Variants in SLC5A1 observed in about 807,000 individuals in gnomAD.
SLC5A1 encodes sodium/glucose cotransporter 1.
SLC5A1 carries 42 observed loss-of-function variants against 73.5 expected under a neutral mutation model. The observed-to-expected ratio is 0.57, with a 90% CI of 0.45 to 0.74. SLC5A1 has a LOEUF of 0.74. Among genes scored for constraint, SLC5A1 ranks in the 30% least tolerant of loss-of-function variants. The pLI, the probability that SLC5A1 is intolerant of heterozygous loss-of-function variation, is 0.00. For synonymous variants in SLC5A1, 300 were observed against 317.4 expected, an observed-to-expected ratio of 0.95 and a Z score of 0.58; for missense variants, 634 against 855.4, an observed-to-expected ratio of 0.74 and a Z score of 3.23.
chr22:32,057,556 G>A (rs564299125), intron 2 of SLC5A1, among the ~76,000 whole-genome samples: 35 of 152,214 alleles, frequency 2.3e-4, no homozygotes, highest in African/African-American at 5.8e-4. Context: ...ATAAGCTACC[G>A]CACCCAGCCC....
rs184310252 is a variant in SLC5A1 at position 32,051,080 on chromosome 22, G to A, written c.207+1066G>A. Among the ~76,000 whole-genome samples, 53 of 152,280 alleles carry A rather than the reference G, an allele frequency of 3.5e-4. 1 individual carries two copies. The highest frequency in any genetic ancestry group is 1.2e-3 in the African/African-American group (51 of 41,562). On this transcript the variant is annotated intron_variant, in intron 2 of 14. Transcript: ENST00000266088. ...AGCAGAAATTACACAGAGAAGTGAG[G>A]CCCCAGGTACACAGCCCAGTGAGAG...
chr22:32,075,564 C>A (rs572766471), intron 5 of SLC5A1, among the ~76,000 whole-genome samples: 3 of 152,298 alleles, frequency 2.0e-5, no homozygotes, highest in East Asian at 1.9e-4. Context: ...TATATGCCCC[C>A]TACCTTCTAA....
intron 5 of SLC5A1, 73 bp downstream of exon 5, chr22:32,068,673 C>A: frequency 4.9e-6 from 5 of 1,028,192 alleles, no homozygotes; most frequent in South Asian, 3.8e-5. Flanking sequence ...ATGCTGCCCA[C>A]CAAGAGGCGG....
rs997142749 is a variant in SLC5A1 at position 32,050,888 on chromosome 22, C to T, written c.207+874C>T. Among the ~76,000 whole-genome samples, 4 of 152,186 alleles carry T rather than the reference C, an allele frequency of 2.6e-5. 1 individual carries two copies. The highest frequency in any genetic ancestry group is 2.6e-4 in the Admixed American group (4 of 15,268). ...GTAACATGAAACCATGAAACTGTAC[C>T]TTACGTAACTGTGGGCTGGTTGGTG... On this transcript the variant is annotated intron_variant, in intron 2 of 14. Coordinates refer to ENST00000266088, the MANE Select transcript of SLC5A1 (RefSeq NM_000343.4).
intron 9 of SLC5A1, among the ~76,000 whole-genome samples, chr22:32,085,717 G>A (rs2094007131): frequency 6.6e-6 from 1 of 151,854 alleles, no homozygotes; most frequent in Admixed American, 6.6e-5. Flanking sequence ...TTCTTCCTTA[G>A]TCAGAGCTCA....
At chr22:32,080,645 T>G (rs1441613857) in intron 5 of SLC5A1, among the ~76,000 whole-genome samples, 1 of 152,170 alleles carries the variant, frequency 6.6e-6, no homozygotes, top group East Asian at 1.9e-4. Context: ...GTGAAAACAG[T>G]TCGTGCATTC....
intron 1 of SLC5A1, among the ~76,000 whole-genome samples, chr22:32,047,116 AG>A (rs1233036306): frequency 2.0e-5 from 3 of 152,172 alleles, no homozygotes; most frequent in Non-Finnish European, 4.4e-5. Context: ...AGGAGGCTGT[AG>A]GGAAGGAGGA....
At chr22:32,060,144 TACACACACACACACAC>T (rs61064953) in intron 2 of SLC5A1, among the ~76,000 whole-genome samples, 34 of 125,160 alleles carry the variant, frequency 2.7e-4, no homozygotes, top group East Asian at 1.8e-3. Flanking sequence ...TATATACACA[TACACACACACACACAC>T]ACACACACAC....
chr22:32,108,921 A>C (rs1662992937), intron 14 of SLC5A1, among the ~76,000 whole-genome samples: 1 of 152,100 alleles, frequency 6.6e-6, no homozygotes, highest in Non-Finnish European at 1.5e-5. Flanking sequence ...TACATCTGTA[A>C]TCCCAACATT....
intron 5 of SLC5A1, among the ~76,000 whole-genome samples, chr22:32,077,160 AGC>A (rs2093992273): frequency 6.6e-6 from 1 of 152,158 alleles, no homozygotes; most frequent in Admixed American, 6.6e-5. Flanking sequence ...TTTGCTTAGC[AGC>A]ATTGGAGAAA....
Position 32,043,707 on chromosome 22 carries a change from A to C in SLC5A1, c.135+291A>C, listed in dbSNP as rs2093933350. ...GTTTGAAGAGACCGCTGGAAAGTGTAAGGGGCAGGAAAGCGGCTGCTTAGA... is the reference window on the plus strand; with the variant it reads ...GTTTGAAGAGACCGCTGGAAAGTGTCAGGGGCAGGAAAGCGGCTGCTTAGA... On this transcript the variant is annotated intron_variant, in intron 1 of 14. Transcript: ENST00000266088. The surrounding 1 kb of genome is among the most constrained non-coding windows in gnomAD (Gnocchi z 6.5). Among the ~76,000 whole-genome samples, 1 of 152,148 alleles carries C rather than the reference A, an allele frequency of 6.6e-6. No individual in the cohort carries two copies. The highest frequency in any genetic ancestry group is 1.5e-5 in the Non-Finnish European group (1 of 68,006).
intron 5 of SLC5A1, among the ~76,000 whole-genome samples, chr22:32,078,369 G>A (rs373227193): frequency 2.6e-5 from 4 of 152,078 alleles, no homozygotes; most frequent in Non-Finnish European, 5.9e-5. Flanking sequence ...CCAGGTTCAA[G>A]CAATTCTCCT....
chr22:32,066,347 A>G (rs2093973096), intron 2 of SLC5A1, among the ~76,000 whole-genome samples: 1 of 152,052 alleles, frequency 6.6e-6, no homozygotes, highest in Non-Finnish European at 1.5e-5. Context: ...TATTATTATT[A>G]ATATCATCTC....
intron 7 of SLC5A1, among the ~76,000 whole-genome samples, chr22:32,083,641 C>T (rs2094003404): frequency 6.6e-6 from 1 of 150,952 alleles, no homozygotes; most frequent in Non-Finnish European, 1.5e-5. Flanking sequence ...AAAAACTTGG[C>T]TCCTCAGGGT....
At chr22:32,074,121 C>G (rs1169516153) in intron 5 of SLC5A1, among the ~76,000 whole-genome samples, 1 of 152,120 alleles carries the variant, frequency 6.6e-6, no homozygotes, top group African/African-American at 2.4e-5. Flanking sequence ...CTCCCCTTCT[C>G]CCAGGCAAGT....
chr22:32,098,758 T>TGTATGTATGC (rs1266913255), intron 11 of SLC5A1, among the ~76,000 whole-genome samples: 2 of 152,124 alleles, frequency 1.3e-5, no homozygotes, highest in Non-Finnish European at 2.9e-5. Flanking sequence ...AGTGTGTATA[T>TGTATGTATGC]GTATGTATGC....
At position 32,111,120 on chromosome 22, in the gene SLC5A1, T is replaced by G. The variant is rs1025758005; in HGVS notation, c.*907T>G. ...TGGTTACTAATGACTTGGGATGCATTTGTCAAACTGATTATATTAGTTTTC... is the reference window on the plus strand; with the variant it reads ...TGGTTACTAATGACTTGGGATGCATGTGTCAAACTGATTATATTAGTTTTC... On this transcript the variant is annotated 3_prime_UTR_variant, in exon 15 of 15. Transcript: ENST00000266088. The G allele has an allele frequency of 1.3e-5, 2 of 152,158 alleles. No individual in the cohort carries two copies. Among genetic ancestry groups the G allele is most frequent in the African/African-American group, 4.8e-5 (2 of 41,424 alleles). 9.4% of individuals were successfully genotyped at this position (152,158 alleles called of 1,614,324 possible).
At chr22:32,080,352 T>C (rs904581494) in intron 5 of SLC5A1, among the ~76,000 whole-genome samples, 2 of 152,172 alleles carry the variant, frequency 1.3e-5, no homozygotes, top group Non-Finnish European at 2.9e-5. Context: ...AGGGCTCACG[T>C]GTTAGCTCAG....
At chr22:32,079,557 A>G (rs754851768) in intron 5 of SLC5A1, among the ~76,000 whole-genome samples, 8 of 152,230 alleles carry the variant, frequency 5.3e-5, no homozygotes, top group Non-Finnish European at 1.0e-4. Context: ...ATCACAGTCT[A>G]CGATGGCATG....
Sources: gnomAD v4.1 joint callset for allele counts (sites outside exome capture counted in the v4.1 genomes callset) on GRCh38, gnomAD v4.1.1 for gene constraint, Gnocchi (gnomAD v3.1) non-coding constraint, MANE v1.5 for transcripts, NCBI Gene and HGNC (gene_info 2026-07-23, HGNC 2026-07-21) for gene names.